ELMOD1: variants seen among roughly 807,000 people sequenced by gnomAD.
The protein encoded by ELMOD1 is ELMO domain containing 1.
In ELMOD1, 21 loss-of-function variants were observed where a neutral mutation model predicts 46.7. The observed-to-expected ratio is 0.45, with a 90% CI of 0.32 to 0.65. The LOEUF is 0.65. Among genes scored for constraint, ELMOD1 ranks in the 30% least tolerant of loss-of-function variants. The pLI, the probability that ELMOD1 is intolerant of heterozygous loss-of-function variation, is 0.04. For synonymous variants in ELMOD1, 122 were observed against 138.2 expected, an observed-to-expected ratio of 0.88 and a Z score of 0.82; for missense variants, 348 against 407.8, an observed-to-expected ratio of 0.85 and a Z score of 1.26.
In ELMOD1 at chr11:107,599,770, A is replaced by AAAAG. The variant is rs1865563918; in HGVS notation, c.-86+8364_-86+8365insGAAA. On this transcript the variant is annotated intron_variant, in intron 1 of 11. Transcript: ENST00000265840. ...AAAAAAAGAAAAAAAGAAAAGAAAA[A>AAAAG]AAAAAAAAACTGTATCCTAACAGCA... is the stretch of plus-strand genomic sequence containing the variant. 1.1e-4 allele frequency among the ~76,000 whole-genome samples: 16 copies of AAAAG among 145,042 alleles called. 1 individual carries two copies. In the South Asian group the frequency reaches 3.5e-3, roughly 32 times the overall value.
chr11:107,592,687 T>C (rs1480065436), intron 1 of ELMOD1: 4 of 215,856 alleles, frequency 1.9e-5, no homozygotes, highest in African/African-American at 9.1e-5. Flanking sequence ...ATCTTTTTCA[T>C]AGGAAGAAGA....
rs568240180 is a variant in ELMOD1, at chr11:107,664,740, C to T, written c.833-285C>T. On this transcript the variant is annotated intron_variant, in intron 11 of 11. Coordinates refer to ENST00000265840, the MANE Select transcript of ELMOD1 (RefSeq NM_018712.4). ...AGCCTTTCAGAAAATGTTCCCGATG[C>T]GATTCATACTCAAGAGATGGCAGAA... 2.8e-4 allele frequency among the ~76,000 whole-genome samples: 38 copies of T among 137,200 alleles called. No homozygotes were observed. In the South Asian group the frequency reaches 7.6e-3, roughly 28 times the overall value. The allele number at this position is 137,200 out of a possible 152,430, so 90.0% of individuals were successfully genotyped here. A position where few individuals can be genotyped will look rare whatever the true frequency, so the allele number is the denominator to read the frequency against.
chr11:107,652,212 G>A (rs1398571363), intron 9 of ELMOD1, among the ~76,000 whole-genome samples: 1 of 152,180 alleles, frequency 6.6e-6, no homozygotes, highest in African/African-American at 2.4e-5. Context: ...ATCAACGTAG[G>A]TTCTGTCAAG....
intron 11 of ELMOD1, among the ~76,000 whole-genome samples, chr11:107,660,860 G>A (rs1184508643): frequency 1.3e-5 from 2 of 152,148 alleles, no homozygotes; most frequent in African/African-American, 4.8e-5. Flanking sequence ...TTATACTCCT[G>A]TTTGCCTCTC....
chr11:107,650,470 A>G (rs1866507695), intron 8 of ELMOD1, 67 bp downstream of exon 8: 3 of 1,102,420 alleles, frequency 2.7e-6, no homozygotes, highest in African/African-American at 1.6e-5. Flanking sequence ...CATCTCCTAC[A>G]TGTATCTGTT....
intron 1 of ELMOD1, among the ~76,000 whole-genome samples, chr11:107,614,640 A>G (rs181951027): frequency 6.6e-6 from 1 of 152,244 alleles, no homozygotes; most frequent in Non-Finnish European, 1.5e-5. Context: ...CCCGGCCCAG[A>G]GTGTATTTTT....
At chr11:107,610,661 TAA>T (rs1191411968) in intron 1 of ELMOD1, among the ~76,000 whole-genome samples, 11 of 100,730 alleles carry the variant, frequency 1.1e-4, no homozygotes, top group Middle Eastern at 5.6e-3. Context: ...AGATCCTATC[TAA>T]AAAAAAAAAA....
chr11:107,603,191 T>C (rs932672572), intron 1 of ELMOD1, among the ~76,000 whole-genome samples: 1 of 152,220 alleles, frequency 6.6e-6, no homozygotes, highest in Admixed American at 6.5e-5. Flanking sequence ...AGAGGGGTTA[T>C]GCCTAATTTC....
At position 107,600,542 on chromosome 11, in the gene ELMOD1, C is replaced by T. The variant is rs556023316; in HGVS notation, c.-86+9133C>T. 17 of 152,274 alleles carry T rather than the reference C, an allele frequency of 1.1e-4. No homozygotes were observed. The South Asian group carries it at 2.5e-3, about 22-fold the overall frequency. The allele number at this position is 152,274 out of a possible 1,614,324, so 9.4% of individuals were successfully genotyped here. ...GGATTTGTGTAAAAAATATTCTTACCATTTTCAATGCGGTGTTCAGAAAAG... is the reference window on the plus strand; with the variant it reads ...GGATTTGTGTAAAAAATATTCTTACTATTTTCAATGCGGTGTTCAGAAAAG... On this transcript the variant is annotated intron_variant, in intron 1 of 11. Coordinates refer to ENST00000265840, the MANE Select transcript of ELMOD1 (RefSeq NM_018712.4).
Position 107,616,675 on chromosome 11 carries a change from G to C in ELMOD1, c.-85-1430G>C, listed in dbSNP as rs555201383. Among the ~76,000 whole-genome samples, 3 of 152,350 alleles carry C rather than the reference G, an allele frequency of 2.0e-5. No homozygotes were observed. In the East Asian group the frequency reaches 5.8e-4, roughly 29 times the overall value. On this transcript the variant is annotated intron_variant, in intron 1 of 11. Coordinates refer to ENST00000265840, the MANE Select transcript of ELMOD1 (RefSeq NM_018712.4). ...ATTACAGGCGTGAGCCAGGGTGCCTGGCCTGCTCCACCTACTTGAGGGCAG... is the reference window on the plus strand; with the variant it reads ...ATTACAGGCGTGAGCCAGGGTGCCTCGCCTGCTCCACCTACTTGAGGGCAG...
At chr11:107,650,187 T>C in intron 7 of ELMOD1, 148 bp from the exon 8 acceptor site, 7 of 544,316 alleles carry the variant, frequency 1.3e-5, no homozygotes, top group Non-Finnish European at 2.3e-5. Context: ...TGTGAAAAGC[T>C]GTTTGTTCCC....
At chr11:107,656,344 T>C (rs1866630760) in intron 11 of ELMOD1, among the ~76,000 whole-genome samples, 1 of 151,058 alleles carries the variant, frequency 6.6e-6, no homozygotes, top group Non-Finnish European at 1.5e-5. Flanking sequence ...GCCGAGATCA[T>C]GCCACTGCAC....
chr11:107,612,457 C>T, intron 1 of ELMOD1, among the ~76,000 whole-genome samples: 1 of 152,130 alleles, frequency 6.6e-6, no homozygotes, highest in Admixed American at 6.5e-5. Flanking sequence ...CTCAGCATCA[C>T]GCAACATACG....
intron 6 of ELMOD1, among the ~76,000 whole-genome samples, chr11:107,637,779 T>C (rs894766580): frequency 2.6e-5 from 4 of 152,130 alleles, no homozygotes; most frequent in Admixed American, 2.6e-4. Flanking sequence ...CCATGCCCAA[T>C]GCCTTATTCT....
At chr11:107,640,044 C>T (rs1191474946) in intron 6 of ELMOD1, among the ~76,000 whole-genome samples, 4 of 152,176 alleles carry the variant, frequency 2.6e-5, no homozygotes, top group African/African-American at 7.2e-5. Flanking sequence ...CACTCTGTCA[C>T]GCAGGCTGGA....
chr11:107,662,034 G>C (rs1866747830), intron 11 of ELMOD1, among the ~76,000 whole-genome samples: 1 of 152,202 alleles, frequency 6.6e-6, no homozygotes, highest in South Asian at 2.1e-4. Flanking sequence ...AAAGAGAAAA[G>C]CTCAGGGCAT....
At chr11:107,650,528 C>T (rs1866508328) in intron 8 of ELMOD1, 125 bp downstream of exon 8, 1 of 749,878 alleles carries the variant, frequency 1.3e-6, no homozygotes, top group African/African-American at 1.7e-5. Flanking sequence ...CAAACAAGCC[C>T]TTGTAATAAA....
chr11:107,664,534 G>A (rs1231237790), intron 11 of ELMOD1, among the ~76,000 whole-genome samples: 1 of 152,150 alleles, frequency 6.6e-6, no homozygotes. Flanking sequence ...GTTCAGGGTT[G>A]ATTTACAATT....
chr11:107,659,235 G>A (rs983894198), intron 11 of ELMOD1, among the ~76,000 whole-genome samples: 2 of 152,202 alleles, frequency 1.3e-5, no homozygotes, highest in African/African-American at 4.8e-5. Flanking sequence ...TCAACATCCA[G>A]ATAAAGAAAG....
Sources: allele counts gnomAD v4.1 joint callset (sites outside exome capture counted in the v4.1 genomes callset), GRCh38; gene constraint gnomAD v4.1.1; transcripts MANE v1.5; gene names NCBI Gene and HGNC (gene_info 2026-07-23, HGNC 2026-07-21).